Variants in PLEC observed in about 807,000 individuals in gnomAD.
PLEC encodes plectin, also known as hemidesmosomal protein 1.
A neutral mutation model predicts 392.8 loss-of-function variants in PLEC; 216 were observed. That is an observed-to-expected ratio of 0.55 (90% CI 0.49 to 0.62). The LOEUF (loss-of-function observed/expected upper bound fraction) is 0.62. PLEC is among the 20% of genes least tolerant of loss of function. PLEC has a pLI of 0.00. For missense variants in PLEC, 6,863 were observed against 6,563.4 expected (o/e 1.05, Z -1.58); for synonymous variants, 3,621 against 2,980.6 (o/e 1.21, Z -7.00).
rs781803848 is a variant in PLEC, at chr8:143,944,701, G to A, written c.523+5483C>T. ...CAGGAGCCCACGGGGCAGACGGAGCGGGCCAGGGGTGTGGGAGGTCACAGG... is the reference window on the plus strand; with the variant it reads ...CAGGAGCCCACGGGGCAGACGGAGCAGGCCAGGGGTGTGGGAGGTCACAGG... On this transcript the variant is annotated intron_variant, in intron 1 of 31. Transcript: ENST00000322810. 7.7e-6 allele frequency: 10 copies of A among 1,304,578 alleles called. No individual in the cohort carries two copies. The Middle Eastern group carries it at 6.1e-4, about 79-fold the overall frequency. 80.8% of individuals were successfully genotyped at this position (1,304,578 alleles called of 1,614,324 possible).
Position 143,921,382 on chromosome 8 carries a change from G to A in PLEC, c.8439C>T (p.Gly2813=), listed in dbSNP as rs201932982. 406 of 1,613,336 alleles carry A rather than the reference G, an allele frequency of 2.5e-4. 1 individual carries two copies. The highest frequency in any genetic ancestry group is 8.3e-4 in the Middle Eastern group (5 of 6,058). The change falls in exon 32 of 32, where the codon GGC becomes GGT. Residue 2813 remains glycine, a synonymous_variant. Coordinates refer to ENST00000345136, the MANE Select transcript of PLEC (RefSeq NM_201384.3). ...IRLLEAQIAT[G]GVIDPVHSHR... ...GGCTGTGCACGGGGTCGATAACGCC[G>A]CCCGTGGCGATCTGGGCCTCCAGCA... is the stretch of plus-strand genomic sequence containing the variant.
At chr8:143,968,290 G>T (rs1554742954) in intron 1 of PLEC, among the ~76,000 whole-genome samples, 1 of 151,808 alleles carries the variant, frequency 6.6e-6, no homozygotes, top group African/African-American at 2.4e-5. Context: ...AAATGTACGT[G>T]CTTCAAAGGA....
chr8:143,916,031 TATATATTA>T lies in PLEC; in HGVS notation c.*138_*145del. ...AGATACAGGCTGTCTGGACAGCAGA[TATATATTA>T]ATATATTAGTCTGGTCTTTTTGGTT... On this transcript the variant is annotated 3_prime_UTR_variant, in exon 32 of 32. Coordinates refer to ENST00000345136, the MANE Select transcript of PLEC (RefSeq NM_201384.3). The T allele has an allele frequency of 1.7e-6, 1 of 579,276 alleles. No homozygotes were observed. The highest frequency in any genetic ancestry group is 2.3e-5 in the South Asian group (1 of 43,972). 35.9% of individuals were successfully genotyped at this position (579,276 alleles called of 1,614,324 possible). A position where few individuals can be genotyped will look rare whatever the true frequency, so the allele number is the denominator to read the frequency against.
upstream of PLEC, chr8:143,953,935 C>T (rs1832445015): frequency 5.0e-6 from 7 of 1,400,896 alleles, no homozygotes; most frequent in Middle Eastern, 2.6e-4. Context: ...CGGACAGGGC[C>T]GCCCCGGGCG....
upstream of PLEC, chr8:143,975,422 G>A (rs1489578567): frequency 3.3e-6 from 5 of 1,525,746 alleles, no homozygotes; most frequent in Non-Finnish European, 3.6e-6. The surrounding 1 kb of genome is among the most constrained non-coding windows in gnomAD (Gnocchi z 9.9). Context: ...TTCAGGAGTG[G>A]ACTCTGCACG....
At position 143,921,825 on chromosome 8, in the gene PLEC, C is replaced by G; in HGVS notation, c.7996G>C (p.Ala2666Pro). Residue 2666 changes from alanine (A) to proline (P), a missense_variant, in exon 32 of 32, where the codon GCG (alanine) becomes CCG (proline). Coordinates refer to ENST00000345136, the MANE Select transcript of PLEC (RefSeq NM_201384.3). ...QRLQEAGILS[A>P]EELQRLAQGH... ...TGCGCCAACCGCTGCAGCTCCTCCGCACTCAGGATGCCGGCCTCCTGCAGC... is the reference window on the plus strand; with the variant it reads ...TGCGCCAACCGCTGCAGCTCCTCCGGACTCAGGATGCCGGCCTCCTGCAGC... The G allele has an allele frequency of 6.2e-7, 1 of 1,607,666 alleles. No individual in the cohort carries two copies. Among genetic ancestry groups the G allele is most frequent in the Non-Finnish European group, 8.5e-7 (1 of 1,179,786 alleles).
rs782424143 is a variant in PLEC at position 143,922,024 on chromosome 8, C to T, written c.7797G>A (p.Gln2599=). The change falls in exon 32 of 32, where the codon CAG becomes CAA. Residue 2599 remains glutamine, a synonymous_variant. Coordinates refer to ENST00000345136, the MANE Select transcript of PLEC (RefSeq NM_201384.3). ...EENQRLREQL[Q]LLEEQHRAAL... is the part of the protein sequence containing the mutation. ...CGGCCCGGTGCTGCTCCTCCAGGAG[C>T]TGCAGCTGCTCACGCAGCCTCTGGT... 1 of 1,597,298 alleles carries T rather than the reference C, an allele frequency of 6.3e-7. No homozygotes were observed. The highest frequency in any genetic ancestry group is 8.5e-7 in the Non-Finnish European group (1 of 1,179,416).
upstream of PLEC, chr8:143,953,675 G>T (rs782216000): frequency 1.3e-6 from 2 of 1,576,016 alleles, no homozygotes; most frequent in African/African-American, 1.4e-5. Flanking sequence ...CCAGCCAGAG[G>T]TCACTGTGTG....
At chr8:143,953,070 G>A (rs1265200576), upstream of PLEC, among the ~76,000 whole-genome samples, 1 of 141,494 alleles carries the variant, frequency 7.1e-6, no homozygotes, top group East Asian at 2.1e-4. Context: ...CCAGGGTCCA[G>A]GCGTCCCCCA....
Position 143,920,417 on chromosome 8 carries a change from T to G in PLEC, c.9404A>C (p.Asp3135Ala). 1 of 1,594,760 alleles carries G rather than the reference T, an allele frequency of 6.3e-7. No individual in the cohort carries two copies. The highest frequency in any genetic ancestry group is 8.5e-7 in the Non-Finnish European group (1 of 1,173,406). ...IPREQGLRLL[D>A]AQLSTGGIVD... The stretch of plus-strand genomic sequence containing the variant: ...GATGCCGCCCGTGGACAGCTGGGCG[T>G]CCAACAGGCGCAGGCCCTGCTCCCG... The change falls in exon 32 of 32, where the codon GAC becomes GCC. Residue 3135 changes from aspartate (D) to alanine (A), a missense_variant. By Grantham distance (126) the Asp-to-Ala change is moderately radical (BLOSUM62 -2). Transcript: ENST00000345136.
Position 143,947,773 on chromosome 8 carries a change from G to A in PLEC, c.523+2411C>T, listed in dbSNP as rs138321261. ...TCAAAACAATAAGTAAAATAAAAAT[G>A]AAACGTAAATGAAACTCACATATAA... On this transcript the variant is annotated intron_variant, in intron 1 of 31. Transcript: ENST00000322810. Among the ~76,000 whole-genome samples the A allele has an allele frequency of 9.9e-5, 15 of 152,248 alleles. No homozygotes were observed. In the East Asian group the frequency reaches 2.9e-3, roughly 29 times the overall value.
intron 1 of PLEC, among the ~76,000 whole-genome samples, chr8:143,959,677 A>T: frequency 6.6e-6 from 1 of 152,272 alleles, no homozygotes; most frequent in Non-Finnish European, 1.5e-5. Flanking sequence ...TGCAGTACCT[A>T]GCCAGCAACT....
At chr8:143,941,213 T>C (rs1554728481), upstream of PLEC, among the ~76,000 whole-genome samples, 1 of 152,038 alleles carries the variant, frequency 6.6e-6, no homozygotes, top group African/African-American at 2.4e-5. Context: ...GGCTCCTGCC[T>C]GCAGGAACGG....
chr8:143,922,300 G>A lies in PLEC; in HGVS notation c.7521C>T (p.Arg2507=), dbSNP rs1186487483. 5 of 1,607,606 alleles carry A rather than the reference G, an allele frequency of 3.1e-6. No homozygotes were observed. Among genetic ancestry groups the A allele is most frequent in the Non-Finnish European group, 4.2e-6 (5 of 1,179,822 alleles). The change falls in exon 32 of 32, where the codon CGC becomes CGT. Residue 2507 remains arginine, a synonymous_variant. Coordinates refer to ENST00000345136, the MANE Select transcript of PLEC (RefSeq NM_201384.3). The stretch of plus-strand genomic sequence containing the variant: ...GCTTGGCCTTCTCCTGCTCGATGAA[G>A]CGCTCCCGCTGTAGCAGGCTGTCCT... ...SEKDSLLQRE[R]FIEQEKAKLE...
rs1554721376 is a variant in PLEC at position 143,934,777 on chromosome 8, G to A, written c.945+33C>T. 6 of 1,611,838 alleles carry A rather than the reference G, an allele frequency of 3.7e-6. No homozygotes were observed. In the East Asian group the frequency reaches 1.3e-4, roughly 36 times the overall value. On this transcript the variant is annotated intron_variant, in intron 9 of 31. Coordinates refer to ENST00000345136, the MANE Select transcript of PLEC (RefSeq NM_201384.3). ...GCAACCACGCCGGGCTCTCAGGGCA[G>A]GCCCAGGACCCCGCCCCCCACGGCA... is the stretch of plus-strand genomic sequence containing the variant.
intron 1 of PLEC, among the ~76,000 whole-genome samples, chr8:143,970,273 G>A (rs561071213): frequency 6.6e-6 from 1 of 150,598 alleles, no homozygotes; most frequent in African/African-American, 2.5e-5. Flanking sequence ...TTTGGTCGGT[G>A]TTTACTGTCA....
chr8:143,973,310 G>A lies in PLEC; in HGVS notation c.70+93C>T, dbSNP rs1375208997. The A allele has an allele frequency of 2.7e-5, 40 of 1,475,600 alleles. No individual in the cohort carries two copies. Among genetic ancestry groups the A allele is most frequent in the Admixed American group, 2.0e-5 (1 of 49,332 alleles). The allele number at this position is 1,475,600 out of a possible 1,614,324, so 91.4% of individuals were successfully genotyped here. ...AGGCCGGCGGAGTGGCCGCGCTCGG[G>A]CCGGCGATCGGGACCGCCACCGTGG... On this transcript the variant is annotated intron_variant, in intron 1 of 31. Coordinates refer to the PLEC transcript ENST00000356346. The surrounding 1 kb of genome is among the most constrained non-coding windows in gnomAD (Gnocchi z 5.6).
In PLEC at chr8:143,927,698, T is replaced by C. The variant is rs782444093; in HGVS notation, c.3468A>G (p.Ala1156=). 5 of 1,584,016 alleles carry C rather than the reference T, an allele frequency of 3.2e-6. No homozygotes were observed. In the South Asian group the frequency reaches 4.6e-5, roughly 14 times the overall value. The change falls in exon 27 of 32, where the codon GCA becomes GCG. Residue 1156 remains alanine (A), a synonymous_variant. Coordinates refer to ENST00000345136, the MANE Select transcript of PLEC (RefSeq NM_201384.3). ...FDALRDELRG[A]QEVGERLQQR... is the part of the protein sequence containing the mutation. ...GCTGCAGTCGCTCCCCCACCTCCTG[T>C]GCCCCCCGCAGCTCATCCCGCAGGG...
rs782544065 is a variant in PLEC at position 143,921,065 on chromosome 8, C to T, written c.8756G>A (p.Gly2919Asp). 1.9e-6 allele frequency: 3 copies of T among 1,612,030 alleles called. No individual in the cohort carries two copies. Among genetic ancestry groups the T allele is most frequent in the East Asian group, 2.2e-5 (1 of 44,886 alleles). Residue 2919 changes from glycine to aspartate, a missense_variant, in exon 32 of 32, where the codon GGC (glycine) becomes GAC (aspartate). Physicochemically the swap from Gly to Asp is moderately conservative, Grantham distance 94. Transcript: ENST00000345136. ...GATCTCCCAAATGGTCACCGTCTTG[C>T]CCTGGAACTTGCCGAACGGCGCAGA... ...TVSAPFGKFQ[G>D]KTVTIWEIIN...
Sources: gnomAD v4.1 joint callset for allele counts (sites outside exome capture counted in the v4.1 genomes callset) on GRCh38, gnomAD v4.1.1 for gene constraint, Gnocchi (gnomAD v3.1) non-coding constraint, MANE v1.5 for transcripts, NCBI Gene and HGNC (gene_info 2026-07-23, HGNC 2026-07-21) for gene names.